Variants in CTTNBP2 observed in about 807,000 individuals in gnomAD.
CTTNBP2 encodes the protein cortactin binding protein 2, also known as cortactin-binding protein 2.
Under a neutral mutation model 156.9 loss-of-function variants are expected in CTTNBP2, and 108 were observed. The observed-to-expected ratio is 0.69, with a 90% confidence interval of 0.59 to 0.81. The LOEUF (loss-of-function observed/expected upper bound fraction) is 0.81. Ranked by LOEUF, CTTNBP2 falls within the 30% of genes least tolerant of loss-of-function variation. CTTNBP2 has a pLI of 0.00. For synonymous variants in CTTNBP2, 767 were observed against 751.8 expected (o/e 1.02, Z -0.33); for missense variants, 1,924 against 2,035.4 (o/e 0.95, Z 1.05).
chr7:117,871,126 G>C (rs1804566858), intron 1 of CTTNBP2, among the ~76,000 whole-genome samples: 1 of 152,068 alleles, frequency 6.6e-6, no homozygotes, highest in Non-Finnish European at 1.5e-5. Flanking sequence ...AATGCAAAGT[G>C]AATTGTTCAC....
At chr7:117,805,610 A>G (rs929668) in intron 3 of CTTNBP2, among the ~76,000 whole-genome samples, 123,122 of 152,184 alleles carry the variant, frequency 0.81, 50,047 homozygotes, top group East Asian at 0.97. Context: ...GAATCCCTTA[A>G]GCTCTCTGAA....
At chr7:117,768,997 C>T (rs1797667026) in intron 8 of CTTNBP2, among the ~76,000 whole-genome samples, 1 of 152,142 alleles carries the variant, frequency 6.6e-6, no homozygotes, top group Non-Finnish European at 1.5e-5. Context: ...TGGTGTTCTG[C>T]TATAAACATT....
At chr7:117,778,559 A>G (rs771167219) in intron 7 of CTTNBP2, among the ~76,000 whole-genome samples, 1 of 152,136 alleles carries the variant, frequency 6.6e-6, no homozygotes, top group Non-Finnish European at 1.5e-5. Context: ...ATAGAACTGT[A>G]AACTCTTAAG....
chr7:117,732,511 G>A (rs1020442244), intron 16 of CTTNBP2, among the ~76,000 whole-genome samples: 1 of 151,804 alleles, frequency 6.6e-6, no homozygotes, highest in African/African-American at 2.4e-5. Flanking sequence ...TTAGCTGGGC[G>A]TGGTGGCGGG....
At position 117,764,951 on chromosome 7, in the gene CTTNBP2, T is replaced by G. The variant is rs376880616; in HGVS notation, c.2896+2108A>C. Among the ~76,000 whole-genome samples the G allele has an allele frequency of 8.0e-4, 122 of 152,324 alleles. 3 individuals are homozygous for G. The highest frequency in any genetic ancestry group is 2.8e-3 in the African/African-American group (115 of 41,556). On this transcript the variant is annotated intron_variant, in intron 9 of 22. Coordinates refer to ENST00000160373, the MANE Select transcript of CTTNBP2 (RefSeq NM_033427.3). Reference sequence around the variant, plus strand: ...GGTTTTTTTTGTTTTGTTTTGTTTTTTTGAGATAGAGTCTCACTCTGTCAC... The same window carrying G: ...GGTTTTTTTTGTTTTGTTTTGTTTTGTTGAGATAGAGTCTCACTCTGTCAC...
At chr7:117,732,566 T>C (rs971882810) in intron 16 of CTTNBP2, among the ~76,000 whole-genome samples, 1 of 146,324 alleles carries the variant, frequency 6.8e-6, no homozygotes, top group Non-Finnish European at 1.5e-5. Context: ...AGGAGAATGG[T>C]GTGAACCCAG....
intron 2 of CTTNBP2, among the ~76,000 whole-genome samples, chr7:117,818,436 A>T (rs3944003): frequency 6.6e-6 from 1 of 152,076 alleles, no homozygotes; most frequent in Non-Finnish European, 1.5e-5. Flanking sequence ...ATGTTGAGTC[A>T]ACTCTGACAA....
rs1175417717 is a variant in CTTNBP2, at chr7:117,842,447, C to A, written c.189+18762G>T. 2.0e-5 allele frequency among the ~76,000 whole-genome samples: 3 copies of A among 152,164 alleles called. No homozygotes were observed. The East Asian group carries it at 5.8e-4, about 29-fold the overall frequency. ...TGAACTGCTGACCTCAGGTGATCTG[C>A]CCACTTTATCCTCCCAAAGTGCTGG... is the stretch of plus-strand genomic sequence containing the variant. On this transcript the variant is annotated intron_variant, in intron 2 of 22. Transcript: ENST00000160373.
At chr7:117,837,377 A>AT (rs997011410) in intron 2 of CTTNBP2, among the ~76,000 whole-genome samples, 2 of 152,080 alleles carry the variant, frequency 1.3e-5, no homozygotes, top group African/African-American at 2.4e-5. Context: ...TTCTTTGCAT[A>AT]TTTTTTTCTG....
At chr7:117,872,457 A>G (rs1402881255) in intron 1 of CTTNBP2, among the ~76,000 whole-genome samples, 6 of 152,054 alleles carry the variant, frequency 3.9e-5, no homozygotes, top group Non-Finnish European at 7.4e-5. Context: ...GCTGCTTCCC[A>G]AACACCGAGA....
intron 1 of CTTNBP2, among the ~76,000 whole-genome samples, chr7:117,869,606 G>C (rs900855881): frequency 6.6e-6 from 1 of 152,152 alleles, no homozygotes; most frequent in Non-Finnish European, 1.5e-5. Flanking sequence ...ACCTCATAAA[G>C]TTATGAGAAA....
intron 21 of CTTNBP2, among the ~76,000 whole-genome samples, chr7:117,718,437 C>G (rs1406766534): frequency 6.6e-6 from 1 of 152,132 alleles, no homozygotes; most frequent in Non-Finnish European, 1.5e-5. Flanking sequence ...TAATCATTAC[C>G]TTACTTTTCC....
rs1799097717 is a variant in CTTNBP2, at chr7:117,792,651, G to A, written c.545C>T (p.Ser182Leu). The change falls in exon 4 of 23, where the codon TCA (serine) becomes TTA (leucine). Residue 182 changes from serine (S) to leucine (L), a missense_variant. By Grantham distance (145) the Ser-to-Leu change is moderately radical (BLOSUM62 -2). Transcript: ENST00000160373. The surrounding 1 kb of genome is among the most constrained non-coding windows in gnomAD (Gnocchi z 4.2). ...CTGGGCCTCCTCTATGACTTTGCCT[G>A]AGAGCTGCTTGCACTCTTTGACCAG... The part of the protein sequence containing the change: ...LMLVKECKQL[S>L]GKVIEEAQKL... 1.2e-6 allele frequency: 2 copies of A among 1,613,856 alleles called. No homozygotes were observed. The highest frequency in any genetic ancestry group is 1.3e-5 in the African/African-American group (1 of 74,852).
At chr7:117,830,963 G>T (rs539980456) in intron 2 of CTTNBP2, among the ~76,000 whole-genome samples, 1 of 150,214 alleles carries the variant, frequency 6.7e-6, no homozygotes, top group Non-Finnish European at 1.5e-5. Flanking sequence ...TCACATGTAA[G>T]TTTTTTTTTT....
At chr7:117,748,741 A>G (rs1219242287) in intron 12 of CTTNBP2, among the ~76,000 whole-genome samples, 2 of 152,152 alleles carry the variant, frequency 1.3e-5, no homozygotes, top group African/African-American at 4.8e-5. Flanking sequence ...CATCCTGTAG[A>G]CAACATAATT....
At chr7:117,825,426 C>T (rs1272811217) in intron 2 of CTTNBP2, among the ~76,000 whole-genome samples, 1 of 152,228 alleles carries the variant, frequency 6.6e-6, no homozygotes, top group African/African-American at 2.4e-5. Context: ...ACCTATCCCA[C>T]TTTCTGCCTT....
intron 8 of CTTNBP2, among the ~76,000 whole-genome samples, chr7:117,770,188 G>A (rs1470352115): frequency 2.0e-5 from 3 of 152,208 alleles, no homozygotes; most frequent in Non-Finnish European, 4.4e-5. Context: ...TATTACTTCA[G>A]ATTACAAACA....
intron 16 of CTTNBP2, among the ~76,000 whole-genome samples, chr7:117,734,221 G>A (rs1184983599): frequency 6.6e-6 from 1 of 152,182 alleles, no homozygotes; most frequent in Non-Finnish European, 1.5e-5. Flanking sequence ...GGTGTTATTA[G>A]CAGCTTAAAA....
rs35520451 is a variant in CTTNBP2 at position 117,812,598 on chromosome 7, A to G, written c.190-1609T>C. ...TTAAATTTAAGCTAGCTTTCAGAAG[A>G]CCACTTTAAACTTAAAAGGTAAGGT... On this transcript the variant is annotated intron_variant, in intron 2 of 22. Coordinates refer to ENST00000160373, the MANE Select transcript of CTTNBP2 (RefSeq NM_033427.3). Among the ~76,000 whole-genome samples the G allele has an allele frequency of 5.8e-4, 89 of 152,244 alleles. 2 individuals carry two copies. The highest frequency in any genetic ancestry group is 2.0e-3 in the African/African-American group (85 of 41,544).
Sources: gnomAD v4.1 joint callset for allele counts (sites outside exome capture counted in the v4.1 genomes callset) on GRCh38, gnomAD v4.1.1 for gene constraint, Gnocchi (gnomAD v3.1) non-coding constraint, MANE v1.5 for transcripts, NCBI Gene and HGNC (gene_info 2026-07-23, HGNC 2026-07-21) for gene names.